U2SURP: variants seen among roughly 807,000 people sequenced by gnomAD.
U2SURP encodes U2 snRNP-associated SURP motif-containing protein.
Under a neutral mutation model 144.9 loss-of-function variants are expected in U2SURP, and 9 were observed. That is an observed-to-expected ratio of 0.06 (90% CI 0.04 to 0.11). The LOEUF (loss-of-function observed/expected upper bound fraction) is 0.11. Among genes scored for constraint, U2SURP ranks in the 10% least tolerant of loss-of-function variants. U2SURP has a pLI of 1.00. For missense variants in U2SURP, 724 were observed against 1,226.7 expected (o/e 0.59, Z 6.12); for synonymous variants, 408 against 396.8 (o/e 1.03, Z -0.33).
intron 25 of U2SURP, among the ~76,000 whole-genome samples, chr3:143,052,219 AC>A (rs1934911199): frequency 6.6e-6 from 1 of 151,938 alleles, no homozygotes; most frequent in Non-Finnish European, 1.5e-5. Context: ...GCATGGATAA[AC>A]CCCGTCTCTA....
At chr3:143,048,938 T>G (rs1245599610) in intron 24 of U2SURP, among the ~76,000 whole-genome samples, 3 of 151,396 alleles carry the variant, frequency 2.0e-5, no homozygotes, top group African/African-American at 7.3e-5. Context: ...ATAAGAAACA[T>G]TCATGAAGTC....
chr3:143,011,498 C>T (rs761701024), intron 2 of U2SURP, among the ~76,000 whole-genome samples: 4 of 152,024 alleles, frequency 2.6e-5, no homozygotes, highest in Non-Finnish European at 5.9e-5. Flanking sequence ...GCCTTTTTCA[C>T]CATTTTGGCA....
chr3:143,020,311 G>A (rs1445182304), intron 7 of U2SURP, among the ~76,000 whole-genome samples: 2 of 152,190 alleles, frequency 1.3e-5, no homozygotes, highest in African/African-American at 2.4e-5. Flanking sequence ...TCACTGGGAT[G>A]GGAGTGAGGG....
intron 10 of U2SURP, 76 bp from the exon 11 acceptor site, chr3:143,022,421 A>C: frequency 7.3e-7 from 1 of 1,373,278 alleles, no homozygotes; most frequent in Non-Finnish European, 9.6e-7. Flanking sequence ...ATTTTGTAAA[A>C]ACTACTTTGT....
At chr3:143,052,099 A>G (rs1208186644) in intron 25 of U2SURP, among the ~76,000 whole-genome samples, 5 of 152,174 alleles carry the variant, frequency 3.3e-5, no homozygotes, top group Admixed American at 3.3e-4. Flanking sequence ...AAAAGATGCT[A>G]CTTATGGCTG....
rs778232892 is a variant in U2SURP, at chr3:143,053,646, CAACTT to C, written c.2656-27_2656-23del. On this transcript the variant is annotated intron_variant, in intron 25 of 27. Coordinates refer to ENST00000473835, the MANE Select transcript of U2SURP (RefSeq NM_001080415.2). Reference sequence around the variant, plus strand: ...ATTAACCCACATTGATATTTTTAAACAACTTAATATTTTCTATAAAAAATAACAGG... The same window carrying C: ...ATTAACCCACATTGATATTTTTAAACAATATTTTCTATAAAAAATAACAGG... The C allele has an allele frequency of 5.1e-6, 6 of 1,171,002 alleles. No homozygotes were observed. In the South Asian group the frequency reaches 7.7e-5, roughly 15 times the overall value. The allele number at this position is 1,171,002 out of a possible 1,614,324, so 72.5% of individuals were successfully genotyped here. A position where few individuals can be genotyped will look rare whatever the true frequency, so the allele number is the denominator to read the frequency against.
chr3:143,018,943 CAAACA>C (rs1936508084), intron 6 of U2SURP, among the ~76,000 whole-genome samples: 3 of 152,198 alleles, frequency 2.0e-5, no homozygotes, highest in African/African-American at 7.2e-5. Flanking sequence ...AACAAACAAA[CAAACA>C]AAACTATTTT....
chr3:143,047,099 C>G, intron 24 of U2SURP, among the ~76,000 whole-genome samples: 1 of 108,256 alleles, frequency 9.2e-6, no homozygotes, highest in Non-Finnish European at 1.9e-5. Context: ...CAGAGGGGCT[C>G]CTCACTTCCC....
intron 22 of U2SURP, among the ~76,000 whole-genome samples, chr3:143,038,655 A>ATCTC (rs1933936899): frequency 6.6e-6 from 1 of 152,016 alleles, no homozygotes; most frequent in Non-Finnish European, 1.5e-5. Context: ...AATAAATCTT[A>ATCTC]ATATTCAACA....
chr3:143,010,704 G>A, intron 1 of U2SURP, 111 bp from the exon 2 acceptor site: 1 of 637,242 alleles, frequency 1.6e-6, no homozygotes, highest in South Asian at 3.1e-5. Context: ...TTTATTAGCT[G>A]AGGAGAAATT....
intron 18 of U2SURP, 91 bp from the exon 19 acceptor site, chr3:143,034,797 A>T: frequency 1.4e-6 from 1 of 736,404 alleles, no homozygotes. Context: ...TAAGTATTTT[A>T]AGTTCAGGAG....
At position 143,054,978 on chromosome 3, in the gene U2SURP, G is replaced by T; in HGVS notation, c.2810G>T (p.Arg937Leu). ...CACAGTACATCCCCCAGCCCATCTC[G>T]CAGTAGCAGTGGTAGACGAGTGAAA... ...RRHSTSPSPS[R>L]SSSGRRVKSP... Residue 937 changes from arginine to leucine, a missense_variant, in exon 27 of 28, where the codon CGC becomes CTC. Around this residue, in one of 13 missense-constraint regions of U2SURP, gnomAD observed 129 missense variants for 196.1 expected, o/e 0.66. Coordinates refer to ENST00000473835, the MANE Select transcript of U2SURP (RefSeq NM_001080415.2). The T allele has an allele frequency of 6.2e-7, 1 of 1,609,068 alleles. No homozygotes were observed. The highest frequency in any genetic ancestry group is 8.5e-7 in the Non-Finnish European group (1 of 1,177,992).
In U2SURP at chr3:143,032,904, T is replaced by A; in HGVS notation, c.1731T>A (p.Ile577=). 1 of 1,613,660 alleles carries A rather than the reference T, an allele frequency of 6.2e-7. No homozygotes were observed. Among genetic ancestry groups the A allele is most frequent in the Non-Finnish European group, 8.5e-7 (1 of 1,179,724 alleles). Residue 577 remains isoleucine (I), a synonymous_variant, in exon 17 of 28, where the codon ATT becomes ATA. Coordinates refer to ENST00000473835, the MANE Select transcript of U2SURP (RefSeq NM_001080415.2). ...AEAAEEIVDC[I]TESLSILKTP... ...CTGCTGAAGAAATAGTGGATTGCATTACTGAGTCGTTGTCCATCTTAAAGA... is the reference window on the plus strand; with the variant it reads ...CTGCTGAAGAAATAGTGGATTGCATAACTGAGTCGTTGTCCATCTTAAAGA...
Position 143,056,677 on chromosome 3 carries a change from A to G in U2SURP, c.*227A>G, listed in dbSNP as rs1935166881. 4.4e-6 allele frequency: 2 copies of G among 454,628 alleles called. No homozygotes were observed. The highest frequency in any genetic ancestry group is 7.8e-6 in the Non-Finnish European group (2 of 256,166). 28.2% of individuals were successfully genotyped at this position (454,628 alleles called of 1,614,324 possible). ...GGCTATTTCTCAAGATGAAATTTTTATTGTTCTAATGGATTTCATCAGAAA... is the reference window on the plus strand; with the variant it reads ...GGCTATTTCTCAAGATGAAATTTTTGTTGTTCTAATGGATTTCATCAGAAA... On this transcript the variant is annotated 3_prime_UTR_variant, in exon 28 of 28. Coordinates refer to ENST00000473835, the MANE Select transcript of U2SURP (RefSeq NM_001080415.2).
rs1039918670 is a variant in U2SURP, at chr3:143,027,197, A to G, written c.1323A>G (p.Glu441=). 1.9e-6 allele frequency: 3 copies of G among 1,612,980 alleles called. No homozygotes were observed. Among genetic ancestry groups the G allele is most frequent in the Non-Finnish European group, 2.5e-6 (3 of 1,179,246 alleles). Residue 441 remains glutamate, a synonymous_variant, in exon 14 of 28, where the codon GAA becomes GAG. Transcript: ENST00000473835. ...IHRMIEFVVR[E]GPMFEAMIMN... ...GAATGATAGAGTTTGTTGTACGTGA[A>G]GGGCCAATGTTTGAAGCTATGATTA...
intron 20 of U2SURP, 49 bp downstream of exon 20, chr3:143,036,153 T>G: frequency 6.5e-7 from 1 of 1,537,484 alleles, no homozygotes; most frequent in Non-Finnish European, 8.7e-7. Flanking sequence ...GTTTCTGGGG[T>G]GGAGGTTTCT....
chr3:143,008,759 A>AG (rs1244839051), intron 1 of U2SURP, among the ~76,000 whole-genome samples: 1 of 152,084 alleles, frequency 6.6e-6, no homozygotes, highest in Non-Finnish European at 1.5e-5. Flanking sequence ...AAGGCAATTG[A>AG]GTTTTTTTTG....
chr3:143,016,890 C>T lies in U2SURP; in HGVS notation c.485C>T (p.Ser162Leu). ...AGAGGTAAAATCTATAAGCCATCTT[C>T]AAGATTTGCAGATCAAAAAAATCCT... Reference protein sequence around the residue: ...EKRGKIYKPSSRFADQKNPPN... With the variant: ...EKRGKIYKPSLRFADQKNPPN... Residue 162 changes from serine to leucine, a missense_variant, in exon 6 of 28, where the codon TCA becomes TTA. Physicochemically the swap from Ser to Leu is moderately radical, Grantham distance 145. Transcript: ENST00000473835. 1.3e-6 allele frequency: 2 copies of T among 1,590,406 alleles called. No homozygotes were observed. The highest frequency in any genetic ancestry group is 4.6e-5 in the East Asian group (2 of 43,058).
At chr3:143,035,118 T>C (rs1443129317) in intron 19 of U2SURP, 143 bp downstream of exon 19, 2 of 453,720 alleles carry the variant, frequency 4.4e-6, no homozygotes, top group Non-Finnish European at 7.7e-6. Flanking sequence ...TTTAAAATTC[T>C]GTCGTTTTTG....
Sources: allele counts gnomAD v4.1 joint callset (sites outside exome capture counted in the v4.1 genomes callset), GRCh38; gene constraint gnomAD v4.1.1; regional missense constraint gnomAD v4.1.1; transcripts MANE v1.5; gene names NCBI Gene and HGNC (gene_info 2026-07-23, HGNC 2026-07-21).